CCSER1: variants seen among roughly 807,000 people sequenced by gnomAD.
CCSER1 encodes serine-rich coiled-coil domain-containing protein 1.
CCSER1 carries 41 observed loss-of-function variants against 82.0 expected under a neutral mutation model. That is an observed-to-expected ratio of 0.50 (90% CI 0.39 to 0.65). CCSER1 has a LOEUF of 0.65. CCSER1 is among the 30% of genes least tolerant of loss of function. The probability of loss-of-function intolerance (pLI) is 0.00; values close to 1 mark genes in which losing one functional copy is unlikely to be tolerated. For missense variants in CCSER1, 1,119 were observed against 1,064.2 expected (o/e 1.05, Z -0.72); for synonymous variants, 414 against 383.9 (o/e 1.08, Z -0.92).
chr4:91,454,650 C>T (rs1756055036), intron 10 of CCSER1, among the ~76,000 whole-genome samples: 1 of 151,902 alleles, frequency 6.6e-6, no homozygotes, highest in Non-Finnish European at 1.5e-5. Flanking sequence ...AGCTTGTTAA[C>T]TCAGGATCTT....
chr4:91,085,913 G>A (rs914738190), intron 9 of CCSER1, 37 bp from the exon 10 acceptor site: 92 of 1,170,790 alleles, frequency 7.9e-5, no homozygotes, highest in Middle Eastern at 3.8e-4. Context: ...TTAATTCTTC[G>A]TTGCCAATAA....
At chr4:91,023,212 G>T (rs1489555670) in intron 9 of CCSER1, among the ~76,000 whole-genome samples, 7 of 152,062 alleles carry the variant, frequency 4.6e-5, no homozygotes, top group Non-Finnish European at 1.0e-4. Flanking sequence ...AATCAATATC[G>T]TGAAAATGGC....
chr4:90,844,375 G>A (rs1045298186), intron 8 of CCSER1, among the ~76,000 whole-genome samples: 5 of 151,976 alleles, frequency 3.3e-5, no homozygotes, highest in East Asian at 3.9e-4. Context: ...ACTGGCAGTA[G>A]CAAATACTAT....
At chr4:91,288,019 AAAC>A (rs1284307793) in intron 10 of CCSER1, among the ~76,000 whole-genome samples, 1 of 71,576 alleles carries the variant, frequency 1.4e-5, no homozygotes, top group Non-Finnish European at 3.3e-5. Flanking sequence ...TTTGATATAT[AAAC>A]AACAGTAATT....
At chr4:90,750,897 G>A (rs982952195) in intron 7 of CCSER1, among the ~76,000 whole-genome samples, 4 of 152,046 alleles carry the variant, frequency 2.6e-5, no homozygotes, top group African/African-American at 4.8e-5. Context: ...GAAGAGATCT[G>A]ATTAAATAAA....
intron 10 of CCSER1, among the ~76,000 whole-genome samples, chr4:91,217,259 G>T (rs1177699732): frequency 6.6e-5 from 10 of 152,162 alleles, no homozygotes; most frequent in Non-Finnish European, 1.5e-4. Flanking sequence ...GGCTCAGGCA[G>T]CCTGCTTTCA....
chr4:91,013,664 G>T (rs1739185810), intron 9 of CCSER1, among the ~76,000 whole-genome samples: 1 of 123,122 alleles, frequency 8.1e-6, no homozygotes, highest in South Asian at 2.7e-4. Context: ...GTGCAGTGGC[G>T]CGATCTCGGC....
intron 10 of CCSER1, among the ~76,000 whole-genome samples, chr4:91,106,299 A>G (rs943252240): frequency 6.6e-6 from 1 of 152,214 alleles, no homozygotes; most frequent in African/African-American, 2.4e-5. Flanking sequence ...AAGTGTTTGA[A>G]TAACTTTCCC....
chr4:90,205,963 A>C (rs1339163200), intron 1 of CCSER1, among the ~76,000 whole-genome samples: 1 of 152,038 alleles, frequency 6.6e-6, no homozygotes, highest in Non-Finnish European at 1.5e-5. Context: ...CATTTTTTCT[A>C]GATTTTCTAG....
chr4:91,265,646 CT>C (rs577072582), intron 10 of CCSER1, among the ~76,000 whole-genome samples: 3 of 151,982 alleles, frequency 2.0e-5, no homozygotes, highest in Admixed American at 2.0e-4. Context: ...TTCCTTCATA[CT>C]TTTTTTATTG....
At chr4:90,150,078 A>G in intron 1 of CCSER1, among the ~76,000 whole-genome samples, 4 of 152,254 alleles carry the variant, frequency 2.6e-5, no homozygotes, top group Middle Eastern at 6.8e-3. Context: ...GGGGATAACC[A>G]CATCCTCAAC....
In CCSER1 at chr4:90,775,254, A is replaced by C. The variant is rs191893588; in HGVS notation, c.2011-40508A>C. On this transcript the variant is annotated intron_variant, in intron 7 of 10. Coordinates refer to ENST00000509176, the MANE Select transcript of CCSER1 (RefSeq NM_001145065.2). ...CTGTTTTCTCTCCACAGAGGGCTGG[A>C]GTATCTTCTTAAAATGTCAAAGTAT... 1.8e-3 allele frequency among the ~76,000 whole-genome samples: 277 copies of C among 152,284 alleles called. 1 individual carries two copies. Among genetic ancestry groups the C allele is most frequent in the African/African-American group, 6.4e-3 (265 of 41,584 alleles).
At chr4:90,385,585 G>A (rs1175665799) in intron 3 of CCSER1, among the ~76,000 whole-genome samples, 2 of 150,152 alleles carry the variant, frequency 1.3e-5, no homozygotes, top group Admixed American at 6.7e-5. Context: ...TCAGCCTCCC[G>A]AGTAGCTAGG....
chr4:90,985,399 A>G (rs1019390916), intron 9 of CCSER1, among the ~76,000 whole-genome samples: 1 of 151,664 alleles, frequency 6.6e-6, no homozygotes, highest in African/African-American at 2.4e-5. Flanking sequence ...ATTTAATAAA[A>G]TATTTGGCTA....
chr4:91,319,680 CA>C (rs755108901), intron 10 of CCSER1: 2 of 455,802 alleles, frequency 4.4e-6, no homozygotes, highest in South Asian at 3.1e-5. Context: ...CTCCCTTCTC[CA>C]CTTAGTCTTC....
At chr4:90,702,463 G>C (rs1738362351) in intron 6 of CCSER1, among the ~76,000 whole-genome samples, 1 of 152,206 alleles carries the variant, frequency 6.6e-6, no homozygotes, top group East Asian at 1.9e-4. Context: ...CCAGGCTTTG[G>C]TATCAGGATG....
intron 9 of CCSER1, among the ~76,000 whole-genome samples, chr4:90,932,990 A>AGAGAGAGAG (rs1348128730): frequency 2.1e-5 from 1 of 48,490 alleles, no homozygotes; most frequent in South Asian, 4.7e-4. Context: ...AAGAGAAAGA[A>AGAGAGAGAG]AGAAAGAAAG....
chr4:91,520,623 G>T (rs1760408150), intron 10 of CCSER1, among the ~76,000 whole-genome samples: 1 of 151,890 alleles, frequency 6.6e-6, no homozygotes, highest in South Asian at 2.1e-4. Flanking sequence ...TTTGCTCTTT[G>T]TTTCTTCATA....
At chr4:91,144,077 C>A (rs764735974) in intron 10 of CCSER1, among the ~76,000 whole-genome samples, 2 of 151,726 alleles carry the variant, frequency 1.3e-5, no homozygotes, top group Non-Finnish European at 3.0e-5. Context: ...GTTTATCTGG[C>A]AGAATATACA....
Sources: gnomAD v4.1 joint callset for allele counts (sites outside exome capture counted in the v4.1 genomes callset) on GRCh38, gnomAD v4.1.1 for gene constraint, MANE v1.5 for transcripts, NCBI Gene and HGNC (gene_info 2026-07-23, HGNC 2026-07-21) for gene names.